Variants in FOXP2 observed in about 807,000 individuals in gnomAD.
The protein encoded by FOXP2 is forkhead box P2.
Under a neutral mutation model 115.8 loss-of-function variants are expected in FOXP2, and 12 were observed. The ratio of observed to expected loss-of-function variants is 0.10; its 90% CI spans 0.07 to 0.17. The LOEUF (loss-of-function observed/expected upper bound fraction) is 0.17. FOXP2 is among the 10% of genes least tolerant of loss of function. The pLI is 1.00. For missense variants in FOXP2, 629 were observed against 843.5 expected, an observed-to-expected ratio of 0.75 and a Z score of 3.15; for synonymous variants, 328 against 297.7, an observed-to-expected ratio of 1.10 and a Z score of -1.05.
chr7:114,220,597 T>C (rs1668335), intron 1 of FOXP2, among the ~76,000 whole-genome samples: 89,701 of 151,948 alleles, frequency 0.59, 28,494 homozygotes, highest in Admixed American at 0.76. Flanking sequence ...CTACTTCCCT[T>C]TGGTGACTGC....
At chr7:114,217,583 A>T (rs1452461899) in intron 1 of FOXP2, among the ~76,000 whole-genome samples, 1 of 152,274 alleles carries the variant, frequency 6.6e-6, no homozygotes, top group East Asian at 1.9e-4. Flanking sequence ...GTGTAATCCA[A>T]ATTAAAAGGA....
At chr7:114,440,074 C>A (rs998507650) in intron 2 of FOXP2, among the ~76,000 whole-genome samples, 1 of 152,016 alleles carries the variant, frequency 6.6e-6, no homozygotes, top group African/African-American at 2.4e-5. Context: ...AATTTTAATA[C>A]ATTAATATAA....
intron 2 of FOXP2, among the ~76,000 whole-genome samples, chr7:114,459,355 A>C (rs1235172520): frequency 6.6e-6 from 1 of 152,222 alleles, no homozygotes; most frequent in African/African-American, 2.4e-5. Context: ...TAAAATAAAA[A>C]CCCCTGACGA....
Position 114,644,750 on chromosome 7 carries a change from G to A in FOXP2, c.1055G>A (p.Gly352Asp). The change falls in exon 8 of 17, where the codon GGC becomes GAC. Residue 352 changes from glycine to aspartate, a missense_variant. Physicochemically the swap from Gly to Asp is moderately conservative, Grantham distance 94. Transcript: ENST00000350908. Reference sequence around the variant, plus strand: ...GGCCATGGAGTTTGCAAATGGCCAGGCTGTGAAAGCATTTGTGAAGATTTT... The same window carrying A: ...GGCCATGGAGTTTGCAAATGGCCAGACTGTGAAAGCATTTGTGAAGATTTT... ...LYGHGVCKWP[G>D]CESICEDFGQ... is the part of the protein sequence containing the mutation. 1 of 1,613,922 alleles carries A rather than the reference G, an allele frequency of 6.2e-7. No homozygotes were observed. Among genetic ancestry groups the A allele is most frequent in the Non-Finnish European group, 8.5e-7 (1 of 1,179,938 alleles).
rs1797455763 is a variant in FOXP2, at chr7:114,499,206, G to T, written c.169-35411G>T. On this transcript the variant is annotated intron_variant, in intron 2 of 16. Coordinates refer to ENST00000350908, the MANE Select transcript of FOXP2 (RefSeq NM_014491.4). Reference sequence around the variant, plus strand: ...CACTTTTGCTCAATACCTATCAAAAGCTTGTCCCAGAGTGATTATGGAGGA... The same window carrying T: ...CACTTTTGCTCAATACCTATCAAAATCTTGTCCCAGAGTGATTATGGAGGA... 3 of 376,710 alleles carry T rather than the reference G, an allele frequency of 8.0e-6. No individual in the cohort carries two copies. In the South Asian group the frequency reaches 1.3e-4, roughly 17 times the overall value. The allele number at this position is 376,710 out of a possible 1,614,324, so 23.3% of individuals were successfully genotyped here.
At chr7:114,504,307 T>A (rs936646553) in intron 2 of FOXP2, among the ~76,000 whole-genome samples, 1 of 151,612 alleles carries the variant, frequency 6.6e-6, no homozygotes, top group Middle Eastern at 3.2e-3. Flanking sequence ...CTACTTACAA[T>A]GAACATTTAT....
intron 3 of FOXP2, chr7:114,570,762 A>G (rs1268010545): frequency 7.0e-7 from 1 of 1,435,710 alleles, no homozygotes; most frequent in Non-Finnish European, 9.8e-7. Context: ...ACAAGCCTTA[A>G]GATTGAAAAA....
At position 114,558,795 on chromosome 7, in the gene FOXP2, A is replaced by G. The variant is rs144516963; in HGVS notation, c.258+24089A>G. 4.3e-3 allele frequency among the ~76,000 whole-genome samples: 653 copies of G among 152,220 alleles called. 8 individuals carry two copies. The highest frequency in any genetic ancestry group is 0.015 in the African/African-American group (617 of 41,536). The stretch of plus-strand genomic sequence containing the variant: ...CGTCTGTCATAGTATAATACTTAAT[A>G]TGAAACTCATCACTAATAGTTTGCC... On this transcript the variant is annotated intron_variant, in intron 3 of 16. Transcript: ENST00000350908.
intron 2 of FOXP2, among the ~76,000 whole-genome samples, chr7:114,431,331 G>C (rs1432457684): frequency 2.6e-5 from 4 of 151,928 alleles, no homozygotes; most frequent in East Asian, 1.9e-4. Flanking sequence ...CGCTGACTCT[G>C]TAAGTTGCTG....
intron 3 of FOXP2, among the ~76,000 whole-genome samples, chr7:114,536,243 A>G (rs1799386004): frequency 6.6e-6 from 1 of 151,540 alleles, no homozygotes; most frequent in Non-Finnish European, 1.5e-5. Flanking sequence ...AAAACACTAT[A>G]TATTTTCCTA....
At chr7:114,414,802 A>G (rs2129199526), upstream of FOXP2, 1 of 307,930 alleles carries the variant, frequency 3.2e-6, no homozygotes, top group South Asian at 3.1e-5. Flanking sequence ...GGGAAGCAAG[A>G]AGTGTATTTA....
At chr7:114,290,405 T>A (rs1004819782) in intron 2 of FOXP2, among the ~76,000 whole-genome samples, 16 of 151,948 alleles carry the variant, frequency 1.1e-4, no homozygotes, top group African/African-American at 2.9e-4. Context: ...ATTTTCAGAG[T>A]TTCCACTGCA....
At chr7:114,676,917 G>T (rs1168038193) in intron 16 of FOXP2, among the ~76,000 whole-genome samples, 1 of 152,048 alleles carries the variant, frequency 6.6e-6, no homozygotes, top group Non-Finnish European at 1.5e-5. Flanking sequence ...TTAAGGTTTT[G>T]TTAACAGCAT....
At chr7:114,686,961 A>G (rs1383525133) in intron 16 of FOXP2, among the ~76,000 whole-genome samples, 1 of 152,146 alleles carries the variant, frequency 6.6e-6, no homozygotes, top group Non-Finnish European at 1.5e-5. Context: ...ATTTGCATGC[A>G]CTATAGTAAT....
At chr7:114,409,500 G>T (rs1793114807), upstream of FOXP2, among the ~76,000 whole-genome samples, 1 of 151,928 alleles carries the variant, frequency 6.6e-6, no homozygotes, top group African/African-American at 2.4e-5. Flanking sequence ...TATTTTTAAT[G>T]AAGAATAAAT....
intron 2 of FOXP2, among the ~76,000 whole-genome samples, chr7:114,302,895 T>A (rs2129178623): frequency 6.6e-6 from 1 of 152,098 alleles, no homozygotes; most frequent in Middle Eastern, 3.4e-3. Context: ...AGAAAGAAAA[T>A]GGAGATTTCG....
At chr7:114,625,579 C>A (rs944694667) in intron 3 of FOXP2, among the ~76,000 whole-genome samples, 4 of 151,434 alleles carry the variant, frequency 2.6e-5, no homozygotes, top group African/African-American at 9.7e-5. Context: ...TCAATGAATA[C>A]CTAGAGTAGC....
chr7:114,295,651 G>T lies in FOXP2; in HGVS notation c.-11+7542G>T, dbSNP rs964524190. Among the ~76,000 whole-genome samples, 7 of 152,290 alleles carry T rather than the reference G, an allele frequency of 4.6e-5. No homozygotes were observed. The East Asian group carries it at 1.3e-3, about 29-fold the overall frequency. ...AGAGAACAGAGGACTATTACTGTAG[G>T]TGTCATGTAAAATGAAGTTATAGTC... On this transcript the variant is annotated intron_variant, in intron 2 of 17. Transcript: ENST00000634411.
chr7:114,257,216 T>C (rs1795637480), intron 1 of FOXP2, among the ~76,000 whole-genome samples: 1 of 152,132 alleles, frequency 6.6e-6, no homozygotes, highest in South Asian at 2.1e-4. Context: ...ATTTAATAAA[T>C]GGTGCTGGGA....
Sources: gnomAD v4.1 joint callset for allele counts (sites outside exome capture counted in the v4.1 genomes callset) on GRCh38, gnomAD v4.1.1 for gene constraint, MANE v1.5 for transcripts, NCBI Gene and HGNC (gene_info 2026-07-23, HGNC 2026-07-21) for gene names.